Variants in PPARGC1A observed in about 807,000 individuals in gnomAD.
The protein encoded by PPARGC1A is peroxisome proliferator-activated receptor gamma coactivator 1-alpha.
Under a neutral mutation model 88.7 loss-of-function variants are expected in PPARGC1A, and 25 were observed. That is an observed-to-expected ratio of 0.28 (90% CI 0.21 to 0.39). The LOEUF is 0.39. PPARGC1A is among the 10% of genes least tolerant of loss of function. The pLI is 1.00. For missense variants in PPARGC1A, 880 were observed against 968.7 expected (o/e 0.91, Z 1.22); for synonymous variants, 363 against 355.6 (o/e 1.02, Z -0.24).
At chr4:24,455,990 T>A in the PPARGC1A span, among the ~76,000 whole-genome samples, 17 of 152,238 alleles carry the variant, frequency 1.1e-4, no homozygotes, top group Non-Finnish European at 2.4e-4. Context: ...TCTGCCTCTT[T>A]GCTCAAAGAA....
the PPARGC1A span, among the ~76,000 whole-genome samples, chr4:24,394,012 T>A: frequency 6.6e-6 from 1 of 152,204 alleles, no homozygotes; most frequent in Non-Finnish European, 1.5e-5. Context: ...AAAAGCCCAG[T>A]GTCACTTCCC....
the PPARGC1A span, among the ~76,000 whole-genome samples, chr4:24,160,731 T>C: frequency 6.6e-6 from 1 of 152,224 alleles, no homozygotes; most frequent in African/African-American, 2.4e-5. Context: ...GGACCCTTGT[T>C]CTTCATACCT....
chr4:24,146,045 TAA>T, the PPARGC1A span, among the ~76,000 whole-genome samples: 1 of 152,172 alleles, frequency 6.6e-6, no homozygotes, highest in African/African-American at 2.4e-5. Context: ...GAATGCATGT[TAA>T]AAAGAGTTAA....
the PPARGC1A span, among the ~76,000 whole-genome samples, chr4:24,116,086 G>A: frequency 6.6e-6 from 1 of 152,168 alleles, no homozygotes; most frequent in African/African-American, 2.4e-5. Context: ...GCACACTTGT[G>A]CATTTAAATA....
At chr4:24,022,807 C>T in the PPARGC1A span, among the ~76,000 whole-genome samples, 8 of 152,212 alleles carry the variant, frequency 5.3e-5, no homozygotes, top group African/African-American at 1.9e-4. Flanking sequence ...GATATGAACC[C>T]GAAGCAAGAA....
At chr4:24,264,049 C>T in the PPARGC1A span, among the ~76,000 whole-genome samples, 2 of 152,132 alleles carry the variant, frequency 1.3e-5, no homozygotes, top group Admixed American at 1.3e-4. Flanking sequence ...CCTTGCCCAG[C>T]TCTTATGATT....
At chr4:24,112,697 C>T in the PPARGC1A span, among the ~76,000 whole-genome samples, 1 of 152,216 alleles carries the variant, frequency 6.6e-6, no homozygotes. Context: ...GTAGTGATCT[C>T]ACCCTGGATG....
chr4:24,286,555 G>A, the PPARGC1A span, among the ~76,000 whole-genome samples: 1 of 152,130 alleles, frequency 6.6e-6, no homozygotes, highest in Non-Finnish European at 1.5e-5. Flanking sequence ...TGATGCCAGA[G>A]CAGCCATCCA....
the PPARGC1A span, among the ~76,000 whole-genome samples, chr4:24,267,547 C>T: frequency 6.6e-6 from 1 of 152,202 alleles, no homozygotes; most frequent in South Asian, 2.1e-4. Context: ...TTCTCATCTT[C>T]TGGCAATTGT....
At chr4:23,817,202 T>C (rs1193028076) in intron 7 of PPARGC1A, among the ~76,000 whole-genome samples, 1 of 152,154 alleles carries the variant, frequency 6.6e-6, no homozygotes, top group African/African-American at 2.4e-5. Flanking sequence ...TCTAGGGATT[T>C]CAAATATAGA....
At chr4:23,814,643 G>T in intron 7 of PPARGC1A, 38 bp from the exon 8 acceptor site, 1 of 1,378,746 alleles carries the variant, frequency 7.3e-7, no homozygotes, top group South Asian at 1.5e-5. Flanking sequence ...AAAAGAGAGA[G>T]AAAGAAAAGA....
the PPARGC1A span, among the ~76,000 whole-genome samples, chr4:23,946,880 A>G: frequency 1.1e-4 from 17 of 152,162 alleles, no homozygotes; most frequent in African/African-American, 4.1e-4. Flanking sequence ...ACTGCTACAA[A>G]GATGGTATTT....
the PPARGC1A span, among the ~76,000 whole-genome samples, chr4:24,105,845 A>G: frequency 6.6e-6 from 1 of 152,196 alleles, no homozygotes; most frequent in Admixed American, 6.5e-5. Flanking sequence ...TTTTCGGAGA[A>G]GAGGCCCCAG....
chr4:24,339,223 T>TACACACACACAC, the PPARGC1A span, among the ~76,000 whole-genome samples: 10 of 72,408 alleles, frequency 1.4e-4, no homozygotes, highest in South Asian at 4.9e-4. Context: ...TATATATATA[T>TACACACACACAC]ATATATATAT....
the PPARGC1A span, among the ~76,000 whole-genome samples, chr4:24,344,661 T>C: frequency 6.6e-6 from 1 of 152,150 alleles, no homozygotes; most frequent in African/African-American, 2.4e-5. Context: ...TAGTCCTTTG[T>C]CAGATGTATA....
the PPARGC1A span, among the ~76,000 whole-genome samples, chr4:24,315,100 C>G: frequency 1.3e-5 from 2 of 151,426 alleles, no homozygotes. Context: ...AAGGCTTTTC[C>G]ACACCCATCT....
chr4:23,963,158 C>G, the PPARGC1A span, among the ~76,000 whole-genome samples: 3 of 152,142 alleles, frequency 2.0e-5, no homozygotes, highest in Non-Finnish European at 2.9e-5. Context: ...TTCTAAAACA[C>G]AGGCTAAAGA....
chr4:24,009,995 C>T, the PPARGC1A span, among the ~76,000 whole-genome samples: 2 of 152,108 alleles, frequency 1.3e-5, no homozygotes, highest in African/African-American at 2.4e-5. Context: ...CACATAGAAA[C>T]CTCTCAACAG....
the PPARGC1A span, among the ~76,000 whole-genome samples, chr4:23,989,908 GA>G: frequency 3.3e-5 from 5 of 150,008 alleles, no homozygotes; most frequent in Admixed American, 3.3e-4. Flanking sequence ...CAAAACTGTT[GA>G]AATTTTTTTT....
Sources: gnomAD v4.1 joint callset for allele counts (sites outside exome capture counted in the v4.1 genomes callset) on GRCh38, gnomAD v4.1.1 for gene constraint, MANE v1.5 for transcripts, NCBI Gene and HGNC (gene_info 2026-07-23, HGNC 2026-07-21) for gene names.